The following COL25A1 variants were observed in gnomAD, a reference collection of about 807,000 sequenced individuals.
The protein encoded by COL25A1 is collagen alpha-1(XXV) chain.
A neutral mutation model predicts 128.4 loss-of-function variants in COL25A1; 103 were observed. That is an observed-to-expected ratio of 0.80 (90% CI 0.68 to 0.94). COL25A1 has a LOEUF of 0.94. Ranked by LOEUF, COL25A1 falls within the 40% of genes least tolerant of loss-of-function variation. The probability of loss-of-function intolerance (pLI) is 0.00; values close to 1 mark genes in which losing one functional copy is unlikely to be tolerated. For missense variants in COL25A1, 745 were observed against 840.0 expected (o/e 0.89, Z 1.40); for synonymous variants, 279 against 277.2 (o/e 1.01, Z -0.06).
At chr4:109,177,684 G>A (rs934823328) in intron 3 of COL25A1, among the ~76,000 whole-genome samples, 6 of 152,202 alleles carry the variant, frequency 3.9e-5, no homozygotes, top group Non-Finnish European at 7.3e-5. Flanking sequence ...CATGATTGAT[G>A]CAGCCTGGCT....
chr4:109,234,482 T>C (rs538196464), intron 3 of COL25A1, among the ~76,000 whole-genome samples: 1 of 152,198 alleles, frequency 6.6e-6, no homozygotes, highest in African/African-American at 2.4e-5. Context: ...TAAGGGTTTC[T>C]GGGGGAAAAA....
At chr4:109,013,758 C>A (rs147397375) in intron 5 of COL25A1, among the ~76,000 whole-genome samples, 1 of 152,126 alleles carries the variant, frequency 6.6e-6, no homozygotes, top group Non-Finnish European at 1.5e-5. Flanking sequence ...CGAACCCAAC[C>A]GAAGGAAGAA....
chr4:109,294,289 A>C (rs981198044), intron 3 of COL25A1, among the ~76,000 whole-genome samples: 3 of 152,074 alleles, frequency 2.0e-5, no homozygotes, highest in Non-Finnish European at 4.4e-5. Context: ...TAAATGAATC[A>C]CAGAATAGTC....
intron 15 of COL25A1, among the ~76,000 whole-genome samples, chr4:108,898,391 T>A (rs1220243551): frequency 6.6e-6 from 1 of 152,214 alleles, no homozygotes; most frequent in Non-Finnish European, 1.5e-5. Flanking sequence ...AAAGACCATA[T>A]CACTTACAAA....
chr4:109,250,196 G>T (rs1231842473), intron 3 of COL25A1, among the ~76,000 whole-genome samples: 4 of 151,994 alleles, frequency 2.6e-5, no homozygotes, highest in Admixed American at 6.5e-5. Context: ...TGATAGATTT[G>T]CTATAAAATA....
chr4:108,869,037 A>AAAAG (rs762466824), intron 20 of COL25A1, 51 bp downstream of exon 20: 1 of 1,160,308 alleles, frequency 8.6e-7, no homozygotes, highest in African/African-American at 1.6e-5. Flanking sequence ...AGGAAGGAAG[A>AAAAG]AAAGAAAGAA....
rs144361368 is a variant in COL25A1 at position 109,209,827 on chromosome 4, C to T, written c.367+90756G>A. ...CAGCACTTTGGGAGACTGGGCTGGGCGGATCATTTGAGGTCAGAAATTCGA... is the reference window on the plus strand; with the variant it reads ...CAGCACTTTGGGAGACTGGGCTGGGTGGATCATTTGAGGTCAGAAATTCGA... On this transcript the variant is annotated intron_variant, in intron 3 of 37. Coordinates refer to ENST00000399132, the MANE Select transcript of COL25A1 (RefSeq NM_198721.4). 3.0e-3 allele frequency among the ~76,000 whole-genome samples: 462 copies of T among 151,980 alleles called. 5 individuals carry two copies. The highest frequency in any genetic ancestry group is 0.014 in the Middle Eastern group (4 of 294).
chr4:109,252,611 T>C (rs1310132099), intron 3 of COL25A1, among the ~76,000 whole-genome samples: 2 of 152,174 alleles, frequency 1.3e-5, no homozygotes, highest in Non-Finnish European at 2.9e-5. Flanking sequence ...ATATACCTCT[T>C]CTCCAAATTT....
At chr4:109,199,306 AT>A (rs1560854646) in intron 3 of COL25A1, among the ~76,000 whole-genome samples, 1 of 152,064 alleles carries the variant, frequency 6.6e-6, no homozygotes, top group Non-Finnish European at 1.5e-5. Flanking sequence ...TTGGAATTAC[AT>A]TTCTTTTGTT....
chr4:109,047,142 G>C (rs942413268), intron 5 of COL25A1, among the ~76,000 whole-genome samples: 9 of 152,124 alleles, frequency 5.9e-5, no homozygotes, highest in Non-Finnish European at 1.0e-4. Context: ...AGGGAGGACT[G>C]GTCCAAGCTC....
At chr4:109,044,650 T>G (rs974176208) in intron 5 of COL25A1, among the ~76,000 whole-genome samples, 2 of 152,062 alleles carry the variant, frequency 1.3e-5, no homozygotes, top group East Asian at 1.9e-4. Context: ...TTTGAGAAAT[T>G]TACTCGATGT....
intron 3 of COL25A1, among the ~76,000 whole-genome samples, chr4:109,145,512 G>C (rs1426583928): frequency 2.0e-5 from 3 of 152,088 alleles, no homozygotes; most frequent in African/African-American, 7.2e-5. Context: ...TTTTTGACAA[G>C]GTCAAATACT....
At chr4:109,124,361 G>A (rs1768389404) in intron 3 of COL25A1, among the ~76,000 whole-genome samples, 1 of 152,030 alleles carries the variant, frequency 6.6e-6, no homozygotes, top group Non-Finnish European at 1.5e-5. Context: ...GAGAAGGCTA[G>A]ACATTATTAG....
chr4:108,869,562 G>T (rs1738446087), intron 19 of COL25A1, among the ~76,000 whole-genome samples: 1 of 152,136 alleles, frequency 6.6e-6, no homozygotes, highest in African/African-American at 2.4e-5. Context: ...GGGAGTTAGT[G>T]CCAGAATAGG....
intron 31 of COL25A1, among the ~76,000 whole-genome samples, chr4:108,833,486 G>T (rs1260165338): frequency 2.0e-5 from 3 of 152,168 alleles, no homozygotes; most frequent in Admixed American, 2.0e-4. Flanking sequence ...TTGAAAAGAT[G>T]GGAATTTCTT....
At chr4:108,865,242 C>T (rs1014900054) in intron 20 of COL25A1, among the ~76,000 whole-genome samples, 1 of 152,142 alleles carries the variant, frequency 6.6e-6, no homozygotes, top group African/African-American at 2.4e-5. Context: ...GAAGGAAATA[C>T]TTCATCTTGG....
At chr4:108,821,244 T>G (rs1467709542) in intron 35 of COL25A1, among the ~76,000 whole-genome samples, 1 of 152,180 alleles carries the variant, frequency 6.6e-6, no homozygotes, top group Non-Finnish European at 1.5e-5. Flanking sequence ...TCAAAAACAC[T>G]TGGATTTCTT....
chr4:108,904,413 G>A (rs1005092349), intron 13 of COL25A1, among the ~76,000 whole-genome samples: 4 of 152,106 alleles, frequency 2.6e-5, no homozygotes, highest in Non-Finnish European at 4.4e-5. Context: ...GAAGTAAGAA[G>A]CATAATAAAT....
At chr4:109,221,137 T>G (rs148703131) in intron 3 of COL25A1, among the ~76,000 whole-genome samples, 18 of 128,400 alleles carry the variant, frequency 1.4e-4, no homozygotes, top group Non-Finnish European at 1.9e-4. Context: ...AAATTATATG[T>G]GATGAGTAAT....
Sources: gnomAD v4.1 joint callset for allele counts (sites outside exome capture counted in the v4.1 genomes callset) on GRCh38, gnomAD v4.1.1 for gene constraint, MANE v1.5 for transcripts, NCBI Gene and HGNC (gene_info 2026-07-23, HGNC 2026-07-21) for gene names.